The following TBL1XR1 variants were observed in gnomAD, a reference collection of about 807,000 sequenced individuals.
TBL1XR1 encodes F-box-like/WD repeat-containing protein TBL1XR1.
TBL1XR1 carries 5 observed loss-of-function variants against 66.9 expected under a neutral mutation model. The ratio of observed to expected loss-of-function variants is 0.07; its 90% CI spans 0.04 to 0.16. TBL1XR1 has a LOEUF of 0.16. Among genes scored for constraint, TBL1XR1 ranks in the 10% least tolerant of loss-of-function variants. The probability of loss-of-function intolerance (pLI) is 1.00; values close to 1 mark genes in which losing one functional copy is unlikely to be tolerated. For missense variants in TBL1XR1, 238 were observed against 623.2 expected (o/e 0.38, Z 6.58); for synonymous variants, 210 against 206.0 (o/e 1.02, Z -0.17).
At chr3:177,149,479 G>A (rs1031439897) in intron 1 of TBL1XR1, among the ~76,000 whole-genome samples, 3 of 151,832 alleles carry the variant, frequency 2.0e-5, no homozygotes, top group Non-Finnish European at 2.9e-5. Flanking sequence ...AAGAAAACTG[G>A]GGTTTAAAAT....
At chr3:177,074,571 C>T (rs1385564290) in intron 2 of TBL1XR1, among the ~76,000 whole-genome samples, 1 of 152,104 alleles carries the variant, frequency 6.6e-6, no homozygotes, top group Non-Finnish European at 1.5e-5. Context: ...TCCTCATCCC[C>T]ACCTTCTCGT....
intron 1 of TBL1XR1, among the ~76,000 whole-genome samples, chr3:177,141,679 A>T (rs1028800477): frequency 1.3e-5 from 2 of 152,204 alleles, no homozygotes; most frequent in Non-Finnish European, 2.9e-5. Flanking sequence ...TCATTTTTAC[A>T]ATGTGTATGT....
intron 2 of TBL1XR1, among the ~76,000 whole-genome samples, chr3:177,068,343 T>TA (rs1260424172): frequency 1.3e-5 from 2 of 152,328 alleles, no homozygotes; most frequent in East Asian, 3.9e-4. Context: ...ATCAACTACT[T>TA]AATTCAAACC....
At chr3:177,147,458 T>C (rs1730388752) in intron 1 of TBL1XR1, among the ~76,000 whole-genome samples, 5 of 152,220 alleles carry the variant, frequency 3.3e-5, no homozygotes, top group Admixed American at 6.5e-5. Context: ...ACATCACTTT[T>C]GAGCCAAAGT....
chr3:177,132,387 C>T (rs989161765), intron 1 of TBL1XR1, among the ~76,000 whole-genome samples: 9 of 152,152 alleles, frequency 5.9e-5, no homozygotes, highest in Non-Finnish European at 1.5e-5. Flanking sequence ...TGATGGGAGG[C>T]ACCCTTTGCT....
chr3:177,193,780 TAACAA>T (rs1736469277), intron 1 of TBL1XR1, among the ~76,000 whole-genome samples: 2 of 152,148 alleles, frequency 1.3e-5, no homozygotes, highest in African/African-American at 2.4e-5. Flanking sequence ...GGATCAAGAC[TAACAA>T]AACAGCTGGG....
intron 1 of TBL1XR1, chr3:177,194,052 T>C (rs914306696): frequency 6.6e-6 from 1 of 152,208 alleles, no homozygotes; most frequent in Non-Finnish European, 1.5e-5. Context: ...GGGCAATTAA[T>C]TGCACTCTTA....
At chr3:177,098,696 A>T (rs1278454945) in intron 1 of TBL1XR1, among the ~76,000 whole-genome samples, 155 bp from the exon 2 acceptor site, 1 of 152,262 alleles carries the variant, frequency 6.6e-6, no homozygotes, top group Non-Finnish European at 1.5e-5. Context: ...AAACAACAGC[A>T]GCAACTTTTG....
At chr3:177,181,563 T>C (rs1734826049) in intron 1 of TBL1XR1, among the ~76,000 whole-genome samples, 1 of 151,384 alleles carries the variant, frequency 6.6e-6, no homozygotes, top group East Asian at 1.9e-4. Flanking sequence ...CCATGCTAGA[T>C]TGTGATAGAT....
At chr3:177,089,043 G>C (rs889203948) in intron 2 of TBL1XR1, among the ~76,000 whole-genome samples, 5 of 152,156 alleles carry the variant, frequency 3.3e-5, no homozygotes, top group Non-Finnish European at 7.3e-5. Flanking sequence ...CCTGTTGGCA[G>C]GGTCACAACT....
intron 1 of TBL1XR1, among the ~76,000 whole-genome samples, chr3:177,145,961 A>T (rs1055043556): frequency 1.3e-5 from 2 of 152,252 alleles, no homozygotes; most frequent in Admixed American, 1.3e-4. Flanking sequence ...AGTAATTTGC[A>T]TTCCTGAAAG....
chr3:177,176,196 T>C (rs1368992519), intron 1 of TBL1XR1, among the ~76,000 whole-genome samples: 2 of 151,532 alleles, frequency 1.3e-5, no homozygotes, highest in Non-Finnish European at 2.9e-5. Context: ...TTGTTAATTT[T>C]CTTGTTTTTT....
intron 1 of TBL1XR1, among the ~76,000 whole-genome samples, chr3:177,191,696 A>AT (rs1219573663): frequency 6.6e-6 from 1 of 152,236 alleles, no homozygotes; most frequent in African/African-American, 2.4e-5. Context: ...GAATACACAG[A>AT]TAAAAAGTGG....
intron 1 of TBL1XR1, among the ~76,000 whole-genome samples, chr3:177,169,567 AC>A (rs1217889252): frequency 3.3e-5 from 5 of 152,236 alleles, no homozygotes; most frequent in Admixed American, 2.0e-4. Context: ...AGGCAATGCT[AC>A]TACAAAACCA....
chr3:177,141,378 T>C (rs1418590419), intron 1 of TBL1XR1, among the ~76,000 whole-genome samples: 1 of 152,210 alleles, frequency 6.6e-6, no homozygotes, highest in Non-Finnish European at 1.5e-5. Context: ...GAATACCAAG[T>C]AGAAGTTAAG....
chr3:177,137,885 A>G (rs1362913873), intron 1 of TBL1XR1, among the ~76,000 whole-genome samples: 1 of 152,190 alleles, frequency 6.6e-6, no homozygotes, highest in Admixed American at 6.5e-5. Context: ...TGGAAGGATC[A>G]ACTGAGCCTG....
chr3:177,135,172 T>C (rs1728782695), intron 1 of TBL1XR1, among the ~76,000 whole-genome samples: 1 of 149,912 alleles, frequency 6.7e-6, no homozygotes, highest in Non-Finnish European at 1.5e-5. Flanking sequence ...CGACTAATTT[T>C]TGTATTTTTA....
intron 1 of TBL1XR1, among the ~76,000 whole-genome samples, chr3:177,160,644 G>A (rs758104800): frequency 4.6e-5 from 7 of 151,788 alleles, no homozygotes; most frequent in Non-Finnish European, 7.4e-5. Context: ...TCAAGCTCTC[G>A]ATTATTTTTT....
intron 1 of TBL1XR1, among the ~76,000 whole-genome samples, chr3:177,176,676 G>T (rs751714164): frequency 6.6e-6 from 1 of 152,044 alleles, no homozygotes; most frequent in East Asian, 2.0e-4. Flanking sequence ...TTAGCCAGGC[G>T]TGATGGCGCA....
Sources: gnomAD v4.1 joint callset for allele counts (sites outside exome capture counted in the v4.1 genomes callset) on GRCh38, gnomAD v4.1.1 for gene constraint, MANE v1.5 for transcripts, NCBI Gene and HGNC (gene_info 2026-07-23, HGNC 2026-07-21) for gene names.